Variants in ADCY8 observed in about 807,000 individuals in gnomAD.
The protein encoded by ADCY8 is adenylate cyclase type 8.
In ADCY8, 51 loss-of-function variants were observed where a neutral mutation model predicts 119.7. The ratio of observed to expected loss-of-function variants is 0.43; its 90% confidence interval spans 0.34 to 0.54. ADCY8 has a LOEUF of 0.54. Among genes scored for constraint, ADCY8 ranks in the 20% least tolerant of loss-of-function variants. The pLI, the probability that ADCY8 is intolerant of heterozygous loss-of-function variation, is 0.03. For missense variants in ADCY8, 1,383 were observed against 1,598.8 expected (o/e 0.87, Z 2.30); for synonymous variants, 665 against 651.0 (o/e 1.02, Z -0.33).
intron 1 of ADCY8, among the ~76,000 whole-genome samples, chr8:131,029,122 C>G (rs544138852): frequency 3.3e-5 from 5 of 152,208 alleles, no homozygotes. Context: ...GCATTAGATT[C>G]TCATAGGAGT....
Position 131,040,474 on chromosome 8 carries a change from C to A in ADCY8, c.-141G>T. 9.4e-7 allele frequency: 1 copy of A among 1,059,914 alleles called. No individual in the cohort carries two copies. Among genetic ancestry groups the A allele is most frequent in the Non-Finnish European group, 1.3e-6 (1 of 798,614 alleles). 65.7% of individuals were successfully genotyped at this position (1,059,914 alleles called of 1,614,324 possible). A position where few individuals can be genotyped will look rare whatever the true frequency, so the allele number is the denominator to read the frequency against. On this transcript the variant is annotated 5_prime_UTR_variant, in exon 1 of 18. Transcript: ENST00000286355. ...GCTGCCCCGTTGCAGGAGCCCTGCG[C>A]TAGGGCTCCCTGTAGGTCGGGTCAT...
intron 5 of ADCY8, among the ~76,000 whole-genome samples, chr8:130,926,640 T>G (rs1044821619): frequency 6.6e-6 from 1 of 152,142 alleles, no homozygotes; most frequent in Non-Finnish European, 1.5e-5. Context: ...GAATAAAATA[T>G]ATTGTCAACT....
chr8:130,800,600 G>A, intron 14 of ADCY8, 28 bp from the exon 15 acceptor site: 9 of 1,612,520 alleles, frequency 5.6e-6, no homozygotes, highest in Non-Finnish European at 7.6e-6. Context: ...GAGGGCACCA[G>A]AAATGGTCAT....
chr8:130,811,785 T>C (rs1816175485), intron 14 of ADCY8, among the ~76,000 whole-genome samples: 1 of 152,210 alleles, frequency 6.6e-6, no homozygotes, highest in South Asian at 2.1e-4. Context: ...GATGGCCTGA[T>C]GGCTCTGTCC....
intron 9 of ADCY8, among the ~76,000 whole-genome samples, chr8:130,864,848 A>G (rs1194354919): frequency 1.3e-5 from 2 of 152,142 alleles, no homozygotes; most frequent in African/African-American, 4.8e-5. Context: ...ACACTGTTAT[A>G]TCTGAGTTTG....
intron 7 of ADCY8, among the ~76,000 whole-genome samples, chr8:130,902,544 A>G (rs1160234504): frequency 6.6e-6 from 1 of 152,188 alleles, no homozygotes; most frequent in East Asian, 1.9e-4. Context: ...ATTTTCTCAT[A>G]GTTTTTCCCC....
intron 13 of ADCY8, among the ~76,000 whole-genome samples, chr8:130,816,300 C>G (rs1049611885): frequency 5.9e-4 from 90 of 152,062 alleles, no homozygotes; most frequent in African/African-American, 2.1e-3. Context: ...ACTATCTCTC[C>G]ATACTTTGAG....
At chr8:130,849,051 T>C (rs933968427) in intron 10 of ADCY8, among the ~76,000 whole-genome samples, 2 of 152,162 alleles carry the variant, frequency 1.3e-5, no homozygotes, top group Non-Finnish European at 2.9e-5. Flanking sequence ...TGGCAGCTAT[T>C]TCATTTCCAT....
chr8:130,822,535 A>AATCCATGAATCCATCC (rs1554603776), intron 12 of ADCY8, among the ~76,000 whole-genome samples: 3,044 of 139,544 alleles, frequency 0.022, 50 homozygotes, highest in African/African-American at 0.029. Flanking sequence ...TGAATCCATG[A>AATCCATGAATCCATCC]ATCCATCCAT....
intron 13 of ADCY8, among the ~76,000 whole-genome samples, chr8:130,817,290 T>G (rs1816378187): frequency 6.6e-6 from 1 of 152,198 alleles, no homozygotes; most frequent in African/African-American, 2.4e-5. Context: ...AGTGGAAGTA[T>G]CACACTGTGA....
intron 1 of ADCY8, among the ~76,000 whole-genome samples, chr8:130,998,620 G>A (rs1822851741): frequency 6.6e-6 from 1 of 152,172 alleles, no homozygotes; most frequent in South Asian, 2.1e-4. Flanking sequence ...TCACTTGGGC[G>A]ACTGGGAAGA....
chr8:130,868,453 G>T (rs751152762), intron 8 of ADCY8, among the ~76,000 whole-genome samples: 1 of 152,152 alleles, frequency 6.6e-6, no homozygotes, highest in Non-Finnish European at 1.5e-5. Context: ...TCACAGAAGA[G>T]AAACCAAGAC....
intron 11 of ADCY8, among the ~76,000 whole-genome samples, chr8:130,842,871 CAAAAA>C (rs35357039): frequency 2.3e-5 from 2 of 87,294 alleles, no homozygotes; most frequent in African/African-American, 4.7e-5. Flanking sequence ...CACTCTGTCT[CAAAAA>C]AAAAAAAAAA....
intron 8 of ADCY8, among the ~76,000 whole-genome samples, chr8:130,877,265 G>A (rs911079356): frequency 2.0e-5 from 3 of 152,180 alleles, no homozygotes; most frequent in African/African-American, 7.2e-5. Context: ...CCCAATTTTA[G>A]GATGGGAAGT....
chr8:130,854,805 C>A (rs1436279568), intron 9 of ADCY8, among the ~76,000 whole-genome samples: 1 of 95,688 alleles, frequency 1.0e-5, no homozygotes, highest in Non-Finnish European at 1.9e-5. Flanking sequence ...TTCCCTCCGT[C>A]CCTCCCTCCC....
At chr8:130,989,697 T>G (rs1822515921) in intron 2 of ADCY8, among the ~76,000 whole-genome samples, 1 of 152,172 alleles carries the variant, frequency 6.6e-6, no homozygotes, top group Non-Finnish European at 1.5e-5. Context: ...ATAAATATCT[T>G]TAATAGGGAC....
At chr8:130,931,419 A>G (rs574039902) in intron 5 of ADCY8, among the ~76,000 whole-genome samples, 40 of 152,206 alleles carry the variant, frequency 2.6e-4, no homozygotes, top group South Asian at 1.9e-3. Context: ...TTCTTTGGCT[A>G]TTCTTATTTG....
intron 8 of ADCY8, among the ~76,000 whole-genome samples, chr8:130,873,884 A>T (rs1161794381): frequency 6.6e-6 from 1 of 152,174 alleles, no homozygotes; most frequent in East Asian, 1.9e-4. Context: ...ATATTAATAT[A>T]GTTGTAAAAG....
intron 7 of ADCY8, among the ~76,000 whole-genome samples, chr8:130,898,395 G>T (rs1451156035): frequency 6.6e-6 from 1 of 152,168 alleles, no homozygotes; most frequent in Non-Finnish European, 1.5e-5. Context: ...AAGTGTGTTT[G>T]CTCTCCATTT....
Sources: gnomAD v4.1 joint callset for allele counts (sites outside exome capture counted in the v4.1 genomes callset) on GRCh38, gnomAD v4.1.1 for gene constraint, MANE v1.5 for transcripts, NCBI Gene and HGNC (gene_info 2026-07-23, HGNC 2026-07-21) for gene names.